Variants in POT1 observed in about 807,000 individuals in gnomAD.
POT1 encodes protection of telomeres protein 1.
In POT1, 47 loss-of-function variants were observed where a neutral mutation model predicts 78.5. That is an observed-to-expected ratio of 0.60 (90% CI 0.47 to 0.76). The LOEUF (loss-of-function observed/expected upper bound fraction) is 0.76, where lower values mean the gene tolerates loss of function less well. Ranked by LOEUF, POT1 falls within the 30% of genes least tolerant of loss-of-function variation. The pLI is 0.00. For synonymous variants in POT1, 259 were observed against 260.7 expected (o/e 0.99, Z 0.06); for missense variants, 646 against 749.9 (o/e 0.86, Z 1.62).
At chr7:124,846,713 T>C (rs1212328769) in intron 12 of POT1, among the ~76,000 whole-genome samples, 19 of 150,728 alleles carry the variant, frequency 1.3e-4, no homozygotes, top group Admixed American at 1.3e-3. Context: ...ACATTAAGTC[T>C]GTTAGAGATA....
chr7:124,867,303 TAA>T (rs1795752661), intron 7 of POT1, among the ~76,000 whole-genome samples: 1 of 151,836 alleles, frequency 6.6e-6, no homozygotes, highest in Non-Finnish European at 1.5e-5. Flanking sequence ...TCCACGTTAG[TAA>T]GAGAGATTTT....
chr7:124,841,654 G>A (rs1219234048), intron 13 of POT1, among the ~76,000 whole-genome samples: 1 of 151,906 alleles, frequency 6.6e-6, no homozygotes, highest in African/African-American at 2.4e-5. Flanking sequence ...CATATGGTTA[G>A]GTACCATGTA....
At chr7:124,864,480 T>G (rs190467311) in intron 7 of POT1, among the ~76,000 whole-genome samples, 7 of 152,248 alleles carry the variant, frequency 4.6e-5, no homozygotes, top group Admixed American at 4.6e-4. Flanking sequence ...TTTTTCATAC[T>G]TCTTGCTTTT....
At chr7:124,926,882 C>A (rs188378857) in intron 2 of POT1, among the ~76,000 whole-genome samples, 2 of 152,210 alleles carry the variant, frequency 1.3e-5, no homozygotes, top group Admixed American at 1.3e-4. Flanking sequence ...AATGTGTACA[C>A]ACAGAAGCAG....
rs1157219055 is a variant in POT1, at chr7:124,863,592, C to A, written c.304G>T (p.Ala102Ser). Reference protein sequence around the residue: ...ETQGITSSGFASLTFEGTLGA... With the variant: ...ETQGITSSGFSSLTFEGTLGA... ...AAAGTTCCCTCAAACGTCAAAGATG[C>A]AAAGCCAGAGCTGGTGATACCCTGA... Residue 102 changes from alanine to serine, a missense_variant, in exon 8 of 19, where the codon GCA becomes TCA. Physicochemically the swap from Ala to Ser is moderately conservative, Grantham distance 99. This residue lies in a region of POT1 where 252 missense variants were observed against 341.4 expected (regional missense o/e 0.74). Coordinates refer to ENST00000357628, the MANE Select transcript of POT1 (RefSeq NM_015450.3). The A allele has an allele frequency of 6.2e-7, 1 of 1,613,642 alleles. No individual in the cohort carries two copies. Among genetic ancestry groups the A allele is most frequent in the East Asian group, 2.2e-5 (1 of 44,882 alleles).
At chr7:124,917,363 T>A (rs978477123) in intron 2 of POT1, among the ~76,000 whole-genome samples, 1 of 152,122 alleles carries the variant, frequency 6.6e-6, no homozygotes, top group African/African-American at 2.4e-5. Context: ...GTCAACCATC[T>A]CCGATCCTAC....
intron 5 of POT1, among the ~76,000 whole-genome samples, chr7:124,893,597 A>G (rs1173658714): frequency 6.6e-6 from 1 of 151,544 alleles, no homozygotes; most frequent in African/African-American, 2.4e-5. Context: ...GTTGAAACCA[A>G]GATGGCTGAC....
chr7:124,838,345 T>C (rs1267969149), intron 14 of POT1, among the ~76,000 whole-genome samples: 4 of 152,062 alleles, frequency 2.6e-5, no homozygotes, highest in African/African-American at 9.7e-5. Flanking sequence ...AAAAAATCAA[T>C]TGCTTCCCTA....
intron 6 of POT1, among the ~76,000 whole-genome samples, chr7:124,885,083 CTCTAG>C (rs1006664010): frequency 1.3e-5 from 2 of 151,960 alleles, no homozygotes; most frequent in African/African-American, 4.8e-5. Context: ...GCTATAAAAT[CTCTAG>C]TCTTAAAGAA....
intron 3 of POT1, chr7:124,900,728 CG>C: frequency 4.2e-6 from 1 of 240,420 alleles, no homozygotes; most frequent in Non-Finnish European, 9.4e-6. Flanking sequence ...TGCAAGGGGT[CG>C]GGGAATTCCC....
intron 3 of POT1, among the ~76,000 whole-genome samples, chr7:124,908,549 T>C (rs1205382058): frequency 1.3e-5 from 2 of 151,964 alleles, no homozygotes; most frequent in Admixed American, 6.6e-5. Context: ...CTCTTTGCAA[T>C]CTATAACCCA....
Position 124,863,513 on chromosome 7 carries a change from T to A in POT1, c.383A>T (p.Glu128Val). ...TAAGGCTTCTACCATTTTGTGGTCC[T>A]CAGTAGTGAAGTTAAAATACTTGCT... is the stretch of plus-strand genomic sequence containing the variant. ...TSSKYFNFTT[E>V]DHKMVEALRV... is the part of the protein sequence containing the mutation. Residue 128 changes from glutamate to valine, a missense_variant, in exon 8 of 19, where the codon GAG becomes GTG. This residue lies in a region of POT1 where 252 missense variants were observed against 341.4 expected (regional missense o/e 0.74). Transcript: ENST00000357628. The A allele has an allele frequency of 4.3e-6, 7 of 1,613,986 alleles. No individual in the cohort carries two copies. The highest frequency in any genetic ancestry group is 5.1e-6 in the Non-Finnish European group (6 of 1,179,876).
chr7:124,877,824 G>C (rs554722534), intron 6 of POT1, among the ~76,000 whole-genome samples: 1 of 110,230 alleles, frequency 9.1e-6, no homozygotes, highest in Non-Finnish European at 1.8e-5. Context: ...CTGGGCGACA[G>C]AGAGAGATTC....
chr7:124,904,058 C>T (rs1246952169), intron 3 of POT1, among the ~76,000 whole-genome samples: 2 of 152,106 alleles, frequency 1.3e-5, no homozygotes, highest in Non-Finnish European at 1.5e-5. Flanking sequence ...CAGGACCAGA[C>T]AGATCCACAG....
chr7:124,836,499 C>T (rs1480421963), intron 14 of POT1, among the ~76,000 whole-genome samples: 2 of 152,164 alleles, frequency 1.3e-5, no homozygotes, highest in Non-Finnish European at 2.9e-5. Context: ...GAGACTGATA[C>T]CTAGCCCTGC....
intron 14 of POT1, 92 bp downstream of exon 14, chr7:124,840,881 C>T (rs1421880120): frequency 1.0e-6 from 1 of 993,180 alleles, no homozygotes; most frequent in Non-Finnish European, 1.5e-6. Flanking sequence ...TTTATATGTA[C>T]TAGGTTGTCT....
chr7:124,825,192 T>C, intron 18 of POT1, 60 bp downstream of exon 18: 1 of 1,104,724 alleles, frequency 9.1e-7, no homozygotes, highest in Non-Finnish European at 1.4e-6. Flanking sequence ...ACAGAGTACA[T>C]ATATGTTAGT....
intron 11 of POT1, among the ~76,000 whole-genome samples, chr7:124,849,121 T>C (rs1795242675): frequency 1.3e-5 from 2 of 152,084 alleles, no homozygotes. Context: ...TGCTAATAAG[T>C]GGTATAAAAA....
At chr7:124,855,308 T>C (rs1028511222) in intron 9 of POT1, among the ~76,000 whole-genome samples, 1 of 145,116 alleles carries the variant, frequency 6.9e-6, no homozygotes, top group Non-Finnish European at 1.5e-5. Context: ...AATTTAAAAG[T>C]GTCTGAAATA....
Sources: gnomAD v4.1 joint callset for allele counts (sites outside exome capture counted in the v4.1 genomes callset) on GRCh38, gnomAD v4.1.1 for gene constraint, gnomAD v4.1.1 regional missense constraint, MANE v1.5 for transcripts, NCBI Gene and HGNC (gene_info 2026-07-23, HGNC 2026-07-21) for gene names.